EXD3: variants seen among roughly 807,000 people sequenced by gnomAD.
EXD3 encodes the protein exonuclease mut-7 homolog.
EXD3 carries 92 observed loss-of-function variants against 98.0 expected under a neutral mutation model. The ratio of observed to expected loss-of-function variants is 0.94; its 90% CI spans 0.79 to 1.12. EXD3 has a LOEUF of 1.12. Among genes scored for constraint, EXD3 ranks in the 50% most tolerant of loss-of-function variants. The probability of loss-of-function intolerance (pLI) is 0.00; values close to 1 mark genes in which losing one functional copy is unlikely to be tolerated. For synonymous variants in EXD3, 569 were observed against 526.0 expected (o/e 1.08, Z -1.12); for missense variants, 1,222 against 1,191.6 (o/e 1.03, Z -0.38).
chr9:137,406,771 C>T (rs536486361), intron 1 of EXD3, among the ~76,000 whole-genome samples: 8 of 152,278 alleles, frequency 5.3e-5, no homozygotes, highest in Non-Finnish European at 1.0e-4. Flanking sequence ...GGCGGTAGAC[C>T]CTCTCCCCAG....
intron 17 of EXD3, among the ~76,000 whole-genome samples, chr9:137,344,687 C>G (rs1417330160): frequency 6.6e-6 from 1 of 152,230 alleles, no homozygotes; most frequent in Non-Finnish European, 1.5e-5. Flanking sequence ...ATCATCAAGT[C>G]CTAGTTCCTT....
rs1588341982 is a variant in EXD3, at chr9:137,357,097, CT to C, written c.657-730del. 2.0e-5 allele frequency among the ~76,000 whole-genome samples: 3 copies of C among 152,206 alleles called. No homozygotes were observed. In the East Asian group the frequency reaches 5.8e-4, roughly 29 times the overall value. On this transcript the variant is annotated intron_variant, in intron 7 of 21. Transcript: ENST00000340951. ...CAGGCAGGCTTGGCTCCCAGAACTGCTGTTGAGACCCCAGAACCCATTCCTA... is the reference window on the plus strand; with the variant it reads ...CAGGCAGGCTTGGCTCCCAGAACTGCGTTGAGACCCCAGAACCCATTCCTA...
chr9:137,413,391 G>A (rs1310814247), intron 1 of EXD3, among the ~76,000 whole-genome samples: 2 of 151,866 alleles, frequency 1.3e-5, no homozygotes, highest in African/African-American at 2.4e-5. Context: ...TAGTAGAGAC[G>A]GGGTTTCACC....
chr9:137,341,526 G>C (rs916782387), intron 17 of EXD3, among the ~76,000 whole-genome samples: 1 of 150,822 alleles, frequency 6.6e-6, no homozygotes, highest in African/African-American at 2.4e-5. Context: ...CGTCTCCCAG[G>C]AGTCAGAGGA....
rs373643689 is a variant in EXD3, at chr9:137,372,917, G to C, written c.450C>G (p.Gly150=). 1 of 1,599,098 alleles carries C rather than the reference G, an allele frequency of 6.3e-7. No individual in the cohort carries two copies. Among genetic ancestry groups the C allele is most frequent in the Non-Finnish European group, 8.5e-7 (1 of 1,179,668 alleles). ...LAHVHRLHHE[G]RFREAATLGA... ...GTGGGCCACTCACTTCTCTGAACCT[G>C]CCCTCGTGGTGGAGGCGGTGGACGT... Residue 150 remains glycine (G), a synonymous_variant, in exon 5 of 22, where the codon GGC becomes GGG. Coordinates refer to ENST00000340951, the MANE Select transcript of EXD3 (RefSeq NM_017820.5).
chr9:137,330,025 A>C, intron 17 of EXD3, among the ~76,000 whole-genome samples: 1 of 144,182 alleles, frequency 6.9e-6, no homozygotes, highest in Non-Finnish European at 1.5e-5. Context: ...ACACAGGACT[A>C]CACAGGACTA....
intron 19 of EXD3, among the ~76,000 whole-genome samples, chr9:137,311,873 G>C (rs916937158): frequency 6.6e-6 from 1 of 152,170 alleles, no homozygotes; most frequent in Non-Finnish European, 1.5e-5. Flanking sequence ...GAGGGAGTGA[G>C]TGGTGCTGGT....
In EXD3 at chr9:137,349,487, C is replaced by T. The variant is rs1453710048; in HGVS notation, c.1539G>A (p.Arg513=). Residue 513 remains arginine (R), a synonymous_variant, in exon 15 of 22, where the codon AGG becomes AGA. Transcript: ENST00000340951. This position sits in a 1 kb window ranked among gnomAD's most constrained non-coding sequence, Gnocchi z 7.4. The part of the protein sequence containing the change: ...SVPAPAVDRA[R]ELRGLSLLVQ... ...CCAGGAGGCTCAGGCCCCTCAGCTC[C>T]CTGGCCCTGTCCACGGCTGGGGCTG... 3.1e-6 allele frequency: 5 copies of T among 1,603,672 alleles called. No homozygotes were observed. In the African/African-American group the frequency reaches 4.0e-5, roughly 13 times the overall value.
At chr9:137,390,180 C>G (rs1836826285) in intron 2 of EXD3, among the ~76,000 whole-genome samples, 1 of 143,326 alleles carries the variant, frequency 7.0e-6, no homozygotes, top group African/African-American at 2.6e-5. Flanking sequence ...CCTGTAATCC[C>G]AGCACTTTGG....
At chr9:137,333,428 A>C (rs573116125) in intron 17 of EXD3, among the ~76,000 whole-genome samples, 10 of 152,260 alleles carry the variant, frequency 6.6e-5, no homozygotes, top group African/African-American at 2.4e-4. Flanking sequence ...GTCCCTCTAG[A>C]GAACCCTGGC....
At chr9:137,397,637 C>T (rs1011496912) in intron 1 of EXD3, among the ~76,000 whole-genome samples, 6 of 152,180 alleles carry the variant, frequency 3.9e-5, no homozygotes, top group East Asian at 1.9e-4. Flanking sequence ...TTTAACACAA[C>T]GATTTCAACT....
Position 137,395,428 on chromosome 9 carries a change from AATGCAGAGCCCACTGCAACAGGCAGCC to A in EXD3, c.-47-51_-47-25del, listed in dbSNP as rs1837165145. 5.0e-6 allele frequency: 8 copies of A among 1,607,120 alleles called. No homozygotes were observed. The highest frequency in any genetic ancestry group is 4.5e-5 in the East Asian group (2 of 44,816). On this transcript the variant is annotated intron_variant, in intron 1 of 21. Transcript: ENST00000340951. The surrounding 1 kb of genome is among the most constrained non-coding windows in gnomAD (Gnocchi z 6.5). ...ATCTGCAGAAACAGACAATCAGGTGAATGCAGAGCCCACTGCAACAGGCAGCCATGCAGAGCCCACGCCCACAGCCCC... is the reference window on the plus strand; with the variant it reads ...ATCTGCAGAAACAGACAATCAGGTGAATGCAGAGCCCACGCCCACAGCCCC...
intron 19 of EXD3, among the ~76,000 whole-genome samples, chr9:137,312,158 C>A (rs367632636): frequency 1.3e-5 from 2 of 152,148 alleles, no homozygotes; most frequent in African/African-American, 2.4e-5. Context: ...TGGGGCCTGA[C>A]GGGGACCCTG....
At chr9:137,322,770 C>T (rs1164590091) in intron 19 of EXD3, among the ~76,000 whole-genome samples, 1 of 11,162 alleles carries the variant, frequency 9.0e-5, no homozygotes, top group African/African-American at 9.5e-4. Flanking sequence ...CGCGGACCCC[C>T]GAGGGATTCT....
chr9:137,366,073 A>G (rs757042751), intron 7 of EXD3: 1 of 683,758 alleles, frequency 1.5e-6, no homozygotes, highest in South Asian at 1.5e-5. Flanking sequence ...CTGAATCCAT[A>G]CAGGCACCAT....
At chr9:137,374,589 G>C (rs1835802164) in intron 3 of EXD3, 1 of 985,492 alleles carries the variant, frequency 1.0e-6, no homozygotes, top group Non-Finnish European at 1.2e-6. Flanking sequence ...AAACACCCAG[G>C]AACAGCCGTG....
chr9:137,375,405 C>G (rs1313040118), intron 3 of EXD3, among the ~76,000 whole-genome samples: 4 of 152,176 alleles, frequency 2.6e-5, no homozygotes, highest in African/African-American at 7.2e-5. Flanking sequence ...AGTTCCAGCC[C>G]TAGTGAGTTC....
intron 1 of EXD3, among the ~76,000 whole-genome samples, chr9:137,414,950 CG>C (rs1314204902): frequency 6.6e-6 from 1 of 152,160 alleles, no homozygotes; most frequent in Non-Finnish European, 1.5e-5. Context: ...TGCAGGGGGG[CG>C]ATCTCGGCTC....
intron 1 of EXD3, among the ~76,000 whole-genome samples, chr9:137,421,427 TTA>T: frequency 6.6e-6 from 1 of 152,302 alleles, no homozygotes; most frequent in South Asian, 2.1e-4. Flanking sequence ...TAGAGAAAAA[TTA>T]TGTTTCAGAG....
Sources: gnomAD v4.1 joint callset for allele counts (sites outside exome capture counted in the v4.1 genomes callset) on GRCh38, gnomAD v4.1.1 for gene constraint, Gnocchi (gnomAD v3.1) non-coding constraint, MANE v1.5 for transcripts, NCBI Gene and HGNC (gene_info 2026-07-23, HGNC 2026-07-21) for gene names.